The following ADAM22 variants were observed in gnomAD, a reference collection of about 807,000 sequenced individuals.
ADAM22 encodes the protein ADAM metallopeptidase domain 22, also known as disintegrin and metalloproteinase domain-containing protein 22.
ADAM22 carries 65 observed loss-of-function variants against 144.6 expected under a neutral mutation model. The ratio of observed to expected loss-of-function variants is 0.45; its 90% CI spans 0.37 to 0.55. The LOEUF (loss-of-function observed/expected upper bound fraction) is 0.55. Among genes scored for constraint, ADAM22 ranks in the 20% least tolerant of loss-of-function variants. ADAM22 has a pLI of 0.00. For missense variants in ADAM22, 974 were observed against 1,184.9 expected, an observed-to-expected ratio of 0.82 and a Z score of 2.61; for synonymous variants, 391 against 412.6, an observed-to-expected ratio of 0.95 and a Z score of 0.63.
chr7:87,982,207 T>C (rs1210674806), intron 3 of ADAM22, among the ~76,000 whole-genome samples: 1 of 151,818 alleles, frequency 6.6e-6, no homozygotes, highest in African/African-American at 2.4e-5. Context: ...ACTTTACTCT[T>C]AGGGAATTTG....
chr7:87,977,347 G>A (rs1488631574), intron 2 of ADAM22, among the ~76,000 whole-genome samples: 6 of 152,194 alleles, frequency 3.9e-5, no homozygotes, highest in Non-Finnish European at 7.3e-5. Context: ...TAAGATGTCC[G>A]TTCTGGGATG....
intron 2 of ADAM22, among the ~76,000 whole-genome samples, chr7:87,938,207 A>ATTTTTTTTT (rs59698275): frequency 7.9e-5 from 6 of 75,574 alleles, no homozygotes; most frequent in African/African-American, 1.2e-4. Flanking sequence ...ATACCCATAG[A>ATTTTTTTTT]TTTTTTTTTT....
chr7:88,174,244 CAG>C (rs1845068360), intron 26 of ADAM22, among the ~76,000 whole-genome samples: 1 of 152,124 alleles, frequency 6.6e-6, no homozygotes, highest in South Asian at 2.1e-4. Context: ...GTTTGACAAA[CAG>C]ATGTGAAGCA....
chr7:88,127,088 A>ATG (rs1186483279), intron 8 of ADAM22, among the ~76,000 whole-genome samples: 1 of 151,430 alleles, frequency 6.6e-6, no homozygotes, highest in Non-Finnish European at 1.5e-5. Context: ...ATATAAACAT[A>ATG]TGTGTGTGTA....
In ADAM22 at chr7:88,112,927, C is replaced by A. The variant is rs1469081359; in HGVS notation, c.474-1657C>A. 2.6e-5 allele frequency among the ~76,000 whole-genome samples: 4 copies of A among 152,126 alleles called. No homozygotes were observed. The East Asian group carries it at 5.8e-4, about 22-fold the overall frequency. The stretch of plus-strand genomic sequence containing the variant: ...AGAGTCTTGCCACTCACTACGTTGC[C>A]CAGGCTGGTCTCAAACTCCTGGCCT... On this transcript the variant is annotated intron_variant, in intron 5 of 31. Transcript: ENST00000413139.
intron 3 of ADAM22, among the ~76,000 whole-genome samples, chr7:88,068,941 T>A (rs776751194): frequency 5.9e-5 from 9 of 152,148 alleles, no homozygotes; most frequent in Admixed American, 2.6e-4. Flanking sequence ...CACCTCTAAA[T>A]ATCATGTTGA....
intron 26 of ADAM22, among the ~76,000 whole-genome samples, chr7:88,173,667 T>A (rs1844909193): frequency 1.3e-5 from 2 of 152,072 alleles, no homozygotes; most frequent in South Asian, 4.1e-4. Context: ...GAAGTAAAAT[T>A]AAGGATTTTG....
At chr7:87,957,555 AT>A (rs1847071184) in intron 2 of ADAM22, among the ~76,000 whole-genome samples, 1 of 151,848 alleles carries the variant, frequency 6.6e-6, no homozygotes, top group Admixed American at 6.6e-5. Context: ...ACTGGTGTGC[AT>A]CCTTTCCGTC....
At chr7:88,096,512 A>G (rs533279945) in intron 4 of ADAM22, among the ~76,000 whole-genome samples, 2 of 151,548 alleles carry the variant, frequency 1.3e-5, no homozygotes, top group South Asian at 2.1e-4. Flanking sequence ...ATATATATAT[A>G]TTCCATAACT....
chr7:88,111,772 T>C (rs1209406946), intron 5 of ADAM22, among the ~76,000 whole-genome samples: 1 of 152,182 alleles, frequency 6.6e-6, no homozygotes, highest in African/African-American at 2.4e-5. Context: ...AATATTTCAG[T>C]TCTCAAAGCA....
At chr7:88,083,561 C>CT (rs955714410) in intron 4 of ADAM22, among the ~76,000 whole-genome samples, 4 of 147,554 alleles carry the variant, frequency 2.7e-5, no homozygotes, top group Admixed American at 6.8e-5. Context: ...CTTTGACTAT[C>CT]TTTTTTTTCT....
At chr7:87,964,367 G>A (rs752768248) in intron 2 of ADAM22, among the ~76,000 whole-genome samples, 1 of 152,166 alleles carries the variant, frequency 6.6e-6, no homozygotes, top group Non-Finnish European at 1.5e-5. Context: ...TGCTTTCAAA[G>A]ATGATTTGGA....
chr7:88,152,405 C>T (rs1290104392), intron 20 of ADAM22, among the ~76,000 whole-genome samples: 1 of 152,092 alleles, frequency 6.6e-6, no homozygotes, highest in Non-Finnish European at 1.5e-5. Context: ...ATTTGACTTC[C>T]AGAGATTTAG....
rs368259080 is a variant in ADAM22, at chr7:88,068,649, T to C, written c.324-6977T>C. Among the ~76,000 whole-genome samples, 12 of 152,274 alleles carry C rather than the reference T, an allele frequency of 7.9e-5. No individual in the cohort carries two copies. In the South Asian group the frequency reaches 2.1e-3, roughly 26 times the overall value. ...ATATTGTTTTGCACAATTCTGTAGG[T>C]CAACTGGGCAGATATGCTTTATGTA... On this transcript the variant is annotated intron_variant, in intron 3 of 31. Coordinates refer to ENST00000413139, the MANE Select transcript of ADAM22 (RefSeq NM_001324418.2).
At chr7:88,070,278 AG>A (rs1464059098) in intron 3 of ADAM22, among the ~76,000 whole-genome samples, 1 of 152,172 alleles carries the variant, frequency 6.6e-6, no homozygotes, top group Non-Finnish European at 1.5e-5. Context: ...CTTTTTGTTT[AG>A]GTGAGAATGT....
chr7:87,944,193 C>T (rs911043899), intron 2 of ADAM22, among the ~76,000 whole-genome samples: 5 of 151,248 alleles, frequency 3.3e-5, no homozygotes, highest in Non-Finnish European at 7.4e-5. Context: ...GAATTGCCTT[C>T]ATTTCCTCCA....
At chr7:88,090,997 T>G (rs532729259) in intron 4 of ADAM22, among the ~76,000 whole-genome samples, 1 of 152,312 alleles carries the variant, frequency 6.6e-6, no homozygotes, top group South Asian at 2.1e-4. Context: ...GTATTTTAAA[T>G]ACTGAACAAA....
intron 3 of ADAM22, among the ~76,000 whole-genome samples, chr7:88,045,940 C>T (rs1161971948): frequency 8.8e-6 from 1 of 113,854 alleles, no homozygotes; most frequent in Non-Finnish European, 2.0e-5. Context: ...GTGTATGTCA[C>T]CCTGTTTTCT....
At position 88,053,587 on chromosome 7, in the gene ADAM22, GGAAGGAAAGAAAGAAAGAAA is replaced by G. The variant is rs1382318525; in HGVS notation, c.324-22035_324-22016del. 7.1e-4 allele frequency among the ~76,000 whole-genome samples: 85 copies of G among 119,228 alleles called. 1 individual carries two copies. The highest frequency in any genetic ancestry group is 9.3e-3 in the Middle Eastern group (2 of 216). The allele number at this position is 119,228 out of a possible 152,430, so 78.2% of individuals were successfully genotyped here. On this transcript the variant is annotated intron_variant, in intron 3 of 31. Transcript: ENST00000413139. The stretch of plus-strand genomic sequence containing the variant: ...AAGAAGGAAGGAGGAAAGGAAGGAA[GGAAGGAAAGAAAGAAAGAAA>G]GAAAGAAAGAAAGAAAGAAAGAAAG...
Sources: gnomAD v4.1 joint callset for allele counts (sites outside exome capture counted in the v4.1 genomes callset) on GRCh38, gnomAD v4.1.1 for gene constraint, MANE v1.5 for transcripts, NCBI Gene and HGNC (gene_info 2026-07-23, HGNC 2026-07-21) for gene names.